LCOR: variants seen among roughly 807,000 people sequenced by gnomAD.
LCOR encodes ligand dependent nuclear receptor corepressor, also known as ligand-dependent corepressor.
A neutral mutation model predicts 64.4 loss-of-function variants in LCOR; 14 were observed. That is an observed-to-expected ratio of 0.22 (90% CI 0.14 to 0.34). The LOEUF (loss-of-function observed/expected upper bound fraction) is 0.34, where lower values mean the gene tolerates loss of function less well. Among genes scored for constraint, LCOR ranks in the 10% least tolerant of loss-of-function variants. LCOR has a pLI of 1.00. For synonymous variants in LCOR, 643 were observed against 642.5 expected (o/e 1.00, Z -0.01); for missense variants, 1,686 against 1,765.3 (o/e 0.96, Z 0.80).
chr10:96,957,030 A>G, intron 7 of LCOR: 1 of 985,336 alleles, frequency 1.0e-6, no homozygotes, highest in African/African-American at 1.7e-5. Flanking sequence ...TTGTAGTGAG[A>G]GAAAAAAACC....
chr10:96,901,324 C>G (rs1846633893), intron 2 of LCOR, among the ~76,000 whole-genome samples: 3 of 152,192 alleles, frequency 2.0e-5, no homozygotes, highest in African/African-American at 4.8e-5. Flanking sequence ...CCATTCCCAG[C>G]TCTCCATACA....
chr10:96,883,671 C>T (rs1846298800), intron 2 of LCOR, among the ~76,000 whole-genome samples: 1 of 152,140 alleles, frequency 6.6e-6, no homozygotes, highest in Admixed American at 6.5e-5. Flanking sequence ...AGGTCTTTTG[C>T]CCATTTTCAG....
At chr10:96,873,841 A>ATT (rs1003954969) in intron 2 of LCOR, among the ~76,000 whole-genome samples, 4 of 151,988 alleles carry the variant, frequency 2.6e-5, no homozygotes, top group African/African-American at 9.7e-5. Context: ...TTTGATGTTA[A>ATT]TTCTGTGGTG....
At chr10:96,925,479 T>C (rs1328438988) in intron 4 of LCOR, among the ~76,000 whole-genome samples, 1 of 152,248 alleles carries the variant, frequency 6.6e-6, no homozygotes, top group Non-Finnish European at 1.5e-5. Context: ...TATGATTAAG[T>C]TCATAATATT....
chr10:96,911,200 C>G (rs1291480342), intron 4 of LCOR, among the ~76,000 whole-genome samples: 1 of 148,834 alleles, frequency 6.7e-6, no homozygotes, highest in Non-Finnish European at 1.5e-5. Context: ...TGGGTTCAAG[C>G]GATTCTCATG....
At chr10:96,873,571 C>CT (rs759335426) in intron 2 of LCOR, among the ~76,000 whole-genome samples, 1 of 126,340 alleles carries the variant, frequency 7.9e-6, no homozygotes, top group African/African-American at 2.8e-5. Context: ...CACACACACA[C>CT]GTGTGTGTGT....
intron 4 of LCOR, among the ~76,000 whole-genome samples, chr10:96,916,587 C>CCATATATATATATATATATATA (rs375266535): frequency 7.2e-6 from 1 of 138,250 alleles, no homozygotes; most frequent in African/African-American, 2.8e-5. Flanking sequence ...TATTTAAAGG[C>CCATATATATATATATATATATA]TATATATATA....
At chr10:96,860,630 AC>A (rs1191536492) in intron 2 of LCOR, among the ~76,000 whole-genome samples, 1 of 152,248 alleles carries the variant, frequency 6.6e-6, no homozygotes, top group Non-Finnish European at 1.5e-5. Flanking sequence ...TATATTTGGC[AC>A]ATGCTGAAAT....
At chr10:96,870,831 A>G (rs11188956) in intron 2 of LCOR, among the ~76,000 whole-genome samples, 22,300 of 152,164 alleles carry the variant, frequency 0.15, 2,286 homozygotes, top group African/African-American at 0.28. Flanking sequence ...CAAGAAATTG[A>G]GCTAGAGATG....
Position 96,982,392 on chromosome 10 carries a change from G to A in LCOR, c.1932G>A (p.Met644Ile). 6.2e-7 allele frequency: 1 copy of A among 1,614,212 alleles called. No homozygotes were observed. The highest frequency in any genetic ancestry group is 8.5e-7 in the Non-Finnish European group (1 of 1,180,024). The change falls in exon 8 of 8, where the codon ATG becomes ATA. Residue 644 changes from methionine to isoleucine, a missense_variant. By Grantham distance (10) the Met-to-Ile change is conservative. This residue lies in a region of LCOR where 1,293 missense variants were observed against 1,410.4 expected (regional missense o/e 0.92). Transcript: ENST00000421806. ...TCTCAGCTCCCACAGCAAGTGGGAT[G>A]TCTTCTCCTGAACACAACCAACCAC... ...STVSAPTASG[M>I]SSPEHNQPPV...
chr10:96,939,044 A>G (rs993482086), intron 4 of LCOR, among the ~76,000 whole-genome samples: 1 of 152,250 alleles, frequency 6.6e-6, no homozygotes, highest in Non-Finnish European at 1.5e-5. Context: ...GAGACTTCAA[A>G]TAGTCTAAAC....
chr10:96,895,347 G>A (rs942911527), intron 2 of LCOR, among the ~76,000 whole-genome samples: 12 of 152,036 alleles, frequency 7.9e-5, no homozygotes, highest in Admixed American at 2.0e-4. Context: ...ATTCCACATC[G>A]GCACATCATC....
intron 4 of LCOR, among the ~76,000 whole-genome samples, chr10:96,940,765 C>CTT (rs1364350656): frequency 3.6e-5 from 5 of 137,110 alleles, no homozygotes; most frequent in Non-Finnish European, 6.3e-5. Context: ...TTTCCCCACC[C>CTT]TTCCCGCCTT....
chr10:96,835,176 A>G (rs918035857), intron 2 of LCOR, among the ~76,000 whole-genome samples: 2 of 152,012 alleles, frequency 1.3e-5, no homozygotes, highest in Non-Finnish European at 2.9e-5. Context: ...TGAAATTTAC[A>G]GGCGTGAGAG....
intron 2 of LCOR, among the ~76,000 whole-genome samples, chr10:96,851,086 A>G (rs898661951): frequency 4.6e-5 from 7 of 152,208 alleles, no homozygotes; most frequent in Non-Finnish European, 7.4e-5. Flanking sequence ...CCAGTCCATT[A>G]TTACGCTAAC....
chr10:96,932,998 A>G (rs1275136123), intron 4 of LCOR, among the ~76,000 whole-genome samples: 3 of 152,246 alleles, frequency 2.0e-5, no homozygotes, highest in Non-Finnish European at 2.9e-5. Flanking sequence ...AGTTATAGTA[A>G]CAAAATAAAA....
intron 2 of LCOR, among the ~76,000 whole-genome samples, chr10:96,859,629 C>G (rs1845856531): frequency 6.6e-6 from 1 of 152,170 alleles, no homozygotes; most frequent in South Asian, 2.1e-4. Context: ...GTGATCTTGG[C>G]TTACTCCAAA....
intron 2 of LCOR, among the ~76,000 whole-genome samples, chr10:96,894,334 C>T (rs1321751088): frequency 6.6e-6 from 1 of 152,174 alleles, no homozygotes; most frequent in African/African-American, 2.4e-5. Flanking sequence ...ACCTTGGCCT[C>T]CCAAAGTGCT....
At chr10:96,956,129 T>C in intron 7 of LCOR, 1 of 1,379,654 alleles carries the variant, frequency 7.2e-7, no homozygotes, top group Non-Finnish European at 9.3e-7. Context: ...CGGAATATGT[T>C]TGGCCTTTTG....
Sources: gnomAD v4.1 joint callset for allele counts (sites outside exome capture counted in the v4.1 genomes callset) on GRCh38, gnomAD v4.1.1 for gene constraint, gnomAD v4.1.1 regional missense constraint, MANE v1.5 for transcripts, NCBI Gene and HGNC (gene_info 2026-07-23, HGNC 2026-07-21) for gene names.